Variants in FOXP2 observed in about 807,000 individuals in gnomAD.
FOXP2 encodes the protein forkhead box P2.
A neutral mutation model predicts 115.8 loss-of-function variants in FOXP2; 12 were observed. The ratio of observed to expected loss-of-function variants is 0.10; its 90% CI spans 0.07 to 0.17. The LOEUF is 0.17. Among genes scored for constraint, FOXP2 ranks in the 10% least tolerant of loss-of-function variants. The pLI is 1.00. For missense variants in FOXP2, 629 were observed against 843.5 expected (o/e 0.75, Z 3.15); for synonymous variants, 328 against 297.7 (o/e 1.10, Z -1.05).
rs140044893 is a variant in FOXP2, at chr7:114,130,141, C to G, written c.-246-32803C>G. Among the ~76,000 whole-genome samples the G allele has an allele frequency of 4.6e-5, 7 of 152,044 alleles. 1 individual carries two copies. The East Asian group carries it at 1.4e-3, about 29-fold the overall frequency. On this transcript the variant is annotated intron_variant, in intron 1 of 19. Coordinates refer to the FOXP2 transcript ENST00000635638. Reference sequence around the variant, plus strand: ...CTAGCCTAGGTAATGTGGTGAAACCCCATCTCTACCAAAAAATAAAAATAA... The same window carrying G: ...CTAGCCTAGGTAATGTGGTGAAACCGCATCTCTACCAAAAAATAAAAATAA...
At chr7:114,483,070 GTACAT>G (rs1796625951) in intron 2 of FOXP2, among the ~76,000 whole-genome samples, 1 of 151,588 alleles carries the variant, frequency 6.6e-6, no homozygotes, top group Non-Finnish European at 1.5e-5. Context: ...TATGTAAATA[GTACAT>G]CTCCTTCCGC....
intron 2 of FOXP2, among the ~76,000 whole-genome samples, chr7:114,486,487 A>G (rs1796781255): frequency 6.6e-6 from 1 of 152,012 alleles, no homozygotes; most frequent in Admixed American, 6.6e-5. Context: ...GCCCCTCCCA[A>G]ATCTCATGTC....
chr7:114,608,997 G>A (rs1244430396), intron 3 of FOXP2, among the ~76,000 whole-genome samples: 3 of 151,968 alleles, frequency 2.0e-5, no homozygotes, highest in South Asian at 4.1e-4. Flanking sequence ...TCAGGGTTTC[G>A]AGACCAGCCT....
chr7:114,253,119 T>A (rs944143054), intron 1 of FOXP2, among the ~76,000 whole-genome samples: 1 of 152,214 alleles, frequency 6.6e-6, no homozygotes, highest in African/African-American at 2.4e-5. Flanking sequence ...AGTTTCTTAA[T>A]CCTGAGTTCT....
At chr7:114,571,508 A>G (rs779018030) in intron 3 of FOXP2, among the ~76,000 whole-genome samples, 11 of 151,880 alleles carry the variant, frequency 7.2e-5, no homozygotes, top group African/African-American at 2.4e-4. Flanking sequence ...CTTGAAACAT[A>G]TAAGTCATGT....
chr7:114,529,712 C>A (rs554620444), intron 2 of FOXP2, among the ~76,000 whole-genome samples: 3 of 151,858 alleles, frequency 2.0e-5, no homozygotes, highest in African/African-American at 7.2e-5. Flanking sequence ...TCAATAGCTA[C>A]AGATGCATAA....
intron 2 of FOXP2, among the ~76,000 whole-genome samples, chr7:114,460,243 AAGGTTACTTATCTTCAGTAAGTAAGTT>A (rs1416370514): frequency 1.3e-5 from 2 of 152,134 alleles, no homozygotes; most frequent in East Asian, 3.9e-4. Context: ...AAGAACCCAC[AAGGTTACTTATCTTCAGTAAGTAAGTT>A]AGGTTTGTTT....
At chr7:114,686,626 A>G (rs956585304) in intron 16 of FOXP2, among the ~76,000 whole-genome samples, 5 of 152,126 alleles carry the variant, frequency 3.3e-5, no homozygotes, top group Non-Finnish European at 5.9e-5. Flanking sequence ...AAAATAATGT[A>G]TATATCTTCA....
intron 2 of FOXP2, among the ~76,000 whole-genome samples, chr7:114,296,149 A>G (rs567350099): frequency 1.3e-5 from 2 of 152,330 alleles, no homozygotes; most frequent in South Asian, 4.1e-4. Context: ...AGTACAATTA[A>G]ATGTTAAATA....
At chr7:114,559,814 G>A (rs1296396617) in intron 3 of FOXP2, among the ~76,000 whole-genome samples, 1 of 151,366 alleles carries the variant, frequency 6.6e-6, no homozygotes, top group African/African-American at 2.4e-5. Flanking sequence ...GCGTGAACCT[G>A]GCAGGCAGAG....
At chr7:114,457,225 G>C (rs142160797) in intron 2 of FOXP2, among the ~76,000 whole-genome samples, 2 of 152,146 alleles carry the variant, frequency 1.3e-5, no homozygotes, top group African/African-American at 4.8e-5. Flanking sequence ...TTTGACAGTA[G>C]AAACTGTTTC....
Position 114,691,344 on chromosome 7 carries a change from G to T in FOXP2, c.*1418G>T, listed in dbSNP as rs1451578176. The T allele has an allele frequency of 2.2e-6, 1 of 453,844 alleles. No individual in the cohort carries two copies. Among genetic ancestry groups the T allele is most frequent in the Admixed American group, 2.4e-5 (1 of 42,534 alleles). 28.1% of individuals were successfully genotyped at this position (453,844 alleles called of 1,614,324 possible). A position where few individuals can be genotyped will look rare whatever the true frequency, so the allele number is the denominator to read the frequency against. ...ATTAATTTCATATTGATTTTAAAGT[G>T]ATCTAGCTGAGTTTTTACACTGAAA... On this transcript the variant is annotated 3_prime_UTR_variant, in exon 17 of 17. Transcript: ENST00000350908.
intron 2 of FOXP2, among the ~76,000 whole-genome samples, chr7:114,296,949 CCT>C (rs1235920540): frequency 6.6e-6 from 1 of 151,904 alleles, no homozygotes; most frequent in African/African-American, 2.4e-5. Flanking sequence ...TATCTGTGCC[CCT>C]CTTAAATGTG....
chr7:114,231,704 A>T (rs891802001), intron 1 of FOXP2, among the ~76,000 whole-genome samples: 1 of 152,228 alleles, frequency 6.6e-6, no homozygotes, highest in African/African-American at 2.4e-5. Flanking sequence ...TATACCATAC[A>T]TAAACATCAA....
intron 1 of FOXP2, among the ~76,000 whole-genome samples, chr7:114,200,882 C>T (rs1391133813): frequency 6.6e-6 from 1 of 152,184 alleles, no homozygotes; most frequent in African/African-American, 2.4e-5. Flanking sequence ...TGGTCTGGCC[C>T]ATTGGCTCAC....
chr7:114,542,304 A>G (rs560458356), intron 3 of FOXP2, among the ~76,000 whole-genome samples: 1 of 152,156 alleles, frequency 6.6e-6, no homozygotes, highest in Non-Finnish European at 1.5e-5. Flanking sequence ...AACCTAAAAG[A>G]TATTCTAACA....
At chr7:114,273,453 T>A (rs1209627723) in intron 1 of FOXP2, among the ~76,000 whole-genome samples, 1 of 152,050 alleles carries the variant, frequency 6.6e-6, no homozygotes, top group Admixed American at 6.6e-5. Context: ...CTACAGATGT[T>A]ACTTATATCC....
chr7:114,190,060 A>AT (rs1793716559), intron 1 of FOXP2, among the ~76,000 whole-genome samples: 1 of 152,208 alleles, frequency 6.6e-6, no homozygotes, highest in African/African-American at 2.4e-5. Context: ...TAGGACCCAG[A>AT]CATCACAAGG....
intron 1 of FOXP2, among the ~76,000 whole-genome samples, chr7:114,088,702 G>A (rs1044549484): frequency 6.6e-6 from 1 of 152,212 alleles, no homozygotes; most frequent in Non-Finnish European, 1.5e-5. Flanking sequence ...CATACCTTGG[G>A]AAATGTTTTA....
Sources: allele counts gnomAD v4.1 joint callset (sites outside exome capture counted in the v4.1 genomes callset), GRCh38; gene constraint gnomAD v4.1.1; transcripts MANE v1.5; gene names NCBI Gene and HGNC (gene_info 2026-07-23, HGNC 2026-07-21).